Variants in PLPPR5 observed in about 807,000 individuals in gnomAD.
The protein encoded by PLPPR5 is phospholipid phosphatase related 5, also known as phospholipid phosphatase-related protein type 5.
In PLPPR5, 16 loss-of-function variants were observed where a neutral mutation model predicts 33.9. The ratio of observed to expected loss-of-function variants is 0.47; its 90% confidence interval spans 0.32 to 0.72. PLPPR5 has a LOEUF of 0.72. PLPPR5 is among the 30% of genes least tolerant of loss of function. The pLI is 0.03. For synonymous variants in PLPPR5, 163 were observed against 150.3 expected (o/e 1.08, Z -0.62); for missense variants, 301 against 406.7 (o/e 0.74, Z 2.23).
At chr1:98,974,878 G>A (rs1416646138) in intron 1 of PLPPR5, among the ~76,000 whole-genome samples, 3 of 152,024 alleles carry the variant, frequency 2.0e-5, no homozygotes, top group Non-Finnish European at 2.9e-5. Flanking sequence ...CTCTAAGGCT[G>A]GGACTGTCTG....
chr1:98,993,331 T>C (rs1276904260), intron 1 of PLPPR5, among the ~76,000 whole-genome samples: 3 of 152,060 alleles, frequency 2.0e-5, no homozygotes, highest in Non-Finnish European at 4.4e-5. Context: ...AAGAGCCTGA[T>C]AGTGTGGCTT....
chr1:98,991,024 T>G (rs1021394486), intron 1 of PLPPR5: 1 of 152,136 alleles, frequency 6.6e-6, no homozygotes, highest in African/African-American at 2.4e-5. Context: ...AGCCAAAATA[T>G]GTGTGTATGT....
intron 1 of PLPPR5, among the ~76,000 whole-genome samples, chr1:98,975,318 G>A (rs1295488859): frequency 1.3e-5 from 2 of 152,022 alleles, no homozygotes; most frequent in African/African-American, 2.4e-5. Flanking sequence ...AAAGTATTCA[G>A]GCATGTGGTA....
intron 1 of PLPPR5, among the ~76,000 whole-genome samples, chr1:98,960,674 T>G (rs984624107): frequency 9.2e-5 from 14 of 152,192 alleles, no homozygotes; most frequent in Non-Finnish European, 1.5e-5. Flanking sequence ...GCTACAAGGT[T>G]GCATAGGCTG....
intron 3 of PLPPR5, among the ~76,000 whole-genome samples, chr1:98,946,846 G>A (rs535220718): frequency 2.0e-5 from 3 of 152,092 alleles, no homozygotes; most frequent in Admixed American, 1.3e-4. Context: ...TTTTAGAAGC[G>A]GAAGGTAAAT....
At chr1:98,951,097 A>G (rs939790564) in intron 3 of PLPPR5, among the ~76,000 whole-genome samples, 15 of 152,198 alleles carry the variant, frequency 9.9e-5, no homozygotes, top group African/African-American at 3.6e-4. Flanking sequence ...TGGCTAGGTC[A>G]CGTATTTATA....
intron 3 of PLPPR5, among the ~76,000 whole-genome samples, chr1:98,932,362 G>C (rs535780985): frequency 1.1e-4 from 17 of 152,232 alleles, no homozygotes; most frequent in African/African-American, 4.1e-4. Context: ...CTAGGCCTCC[G>C]TGGAGACAGG....
chr1:98,995,059 T>C (rs1219454840), intron 1 of PLPPR5, among the ~76,000 whole-genome samples: 3 of 152,164 alleles, frequency 2.0e-5, no homozygotes, highest in Non-Finnish European at 4.4e-5. Context: ...CTAGTTAGAA[T>C]GTAAATTAGT....
chr1:98,922,151 A>G, intron 3 of PLPPR5, 93 bp from the exon 4 acceptor site: 1 of 1,156,870 alleles, frequency 8.6e-7, no homozygotes, highest in East Asian at 2.5e-5. Flanking sequence ...ATATTTATAG[A>G]CATATATACG....
rs1650383346 is a variant in PLPPR5, at chr1:98,941,945, TAGA to T, written c.621+11122_621+11124del. 3.3e-5 allele frequency among the ~76,000 whole-genome samples: 5 copies of T among 151,482 alleles called. No homozygotes were observed. The South Asian group carries it at 6.3e-4, about 19-fold the overall frequency. On this transcript the variant is annotated intron_variant, in intron 3 of 5. Coordinates refer to ENST00000263177, the MANE Select transcript of PLPPR5 (RefSeq NM_001037317.2). ...CCTCGATTTAAATGCATCCTCAATT[TAGA>T]AGGAGTTTGATAACTGCAATTACAG...
intron 1 of PLPPR5, among the ~76,000 whole-genome samples, chr1:99,001,742 G>A (rs1317796109): frequency 7.1e-6 from 1 of 140,574 alleles, no homozygotes; most frequent in Non-Finnish European, 1.5e-5. Flanking sequence ...ATGTAAAAGA[G>A]ACTATTTGAG....
chr1:98,966,701 T>C (rs908854198), intron 1 of PLPPR5, among the ~76,000 whole-genome samples: 2 of 152,158 alleles, frequency 1.3e-5, no homozygotes, highest in South Asian at 2.1e-4. Context: ...ATCTGAACCT[T>C]TGAGTTAAGA....
chr1:98,956,384 G>A (rs1650998636), intron 2 of PLPPR5, among the ~76,000 whole-genome samples: 2 of 151,856 alleles, frequency 1.3e-5, no homozygotes. Context: ...AGGGGAACAG[G>A]TGGTGTTTGG....
intron 3 of PLPPR5, among the ~76,000 whole-genome samples, chr1:98,945,792 C>A (rs1650526065): frequency 6.6e-6 from 1 of 152,138 alleles, no homozygotes; most frequent in Non-Finnish European, 1.5e-5. Flanking sequence ...ACAATTGGAC[C>A]ATGAACTCGG....
intron 5 of PLPPR5, among the ~76,000 whole-genome samples, chr1:98,910,964 G>A (rs190243044): frequency 6.6e-6 from 1 of 150,902 alleles, no homozygotes; most frequent in African/African-American, 2.4e-5. Context: ...AAGACCTGCT[G>A]TGTATTTATC....
At chr1:98,976,942 C>T (rs1014084694) in intron 1 of PLPPR5, among the ~76,000 whole-genome samples, 4 of 152,008 alleles carry the variant, frequency 2.6e-5, no homozygotes, top group Non-Finnish European at 5.9e-5. Context: ...AATTGCTCCA[C>T]AATAATAATT....
chr1:98,959,899 T>C (rs11166146), intron 1 of PLPPR5, among the ~76,000 whole-genome samples: 40,202 of 152,026 alleles, frequency 0.26, 5,466 homozygotes, highest in East Asian at 0.4. Flanking sequence ...CGATGTCAAA[T>C]GCCTGTCCAT....
At chr1:98,895,001 A>G (rs1257347601) in intron 5 of PLPPR5, among the ~76,000 whole-genome samples, 2 of 152,088 alleles carry the variant, frequency 1.3e-5, no homozygotes, top group Non-Finnish European at 2.9e-5. Flanking sequence ...GGAAGGGGGA[A>G]AAGGGTGCTA....
chr1:98,913,690 A>G (rs1372516085), intron 5 of PLPPR5, among the ~76,000 whole-genome samples: 1 of 152,228 alleles, frequency 6.6e-6, no homozygotes, highest in Non-Finnish European at 1.5e-5. Context: ...GATTTACACA[A>G]TCAGAACACC....
Sources: allele counts gnomAD v4.1 joint callset (sites outside exome capture counted in the v4.1 genomes callset), GRCh38; gene constraint gnomAD v4.1.1; transcripts MANE v1.5; gene names NCBI Gene and HGNC (gene_info 2026-07-23, HGNC 2026-07-21).